Variants in CPEB3 observed in about 807,000 individuals in gnomAD.
The protein encoded by CPEB3 is cytoplasmic polyadenylation element binding protein 3.
In CPEB3, 20 loss-of-function variants were observed where a neutral mutation model predicts 67.2. The observed-to-expected ratio is 0.30, with a 90% confidence interval of 0.21 to 0.43. The LOEUF is 0.43. Among genes scored for constraint, CPEB3 ranks in the 20% least tolerant of loss-of-function variants. CPEB3 has a pLI of 1.00. For synonymous variants in CPEB3, 376 were observed against 393.1 expected (o/e 0.96, Z 0.51); for missense variants, 746 against 968.6 (o/e 0.77, Z 3.05).
intron 3 of CPEB3, among the ~76,000 whole-genome samples, chr10:92,189,859 T>A (rs974223870): frequency 6.6e-6 from 1 of 151,214 alleles, no homozygotes; most frequent in Non-Finnish European, 1.5e-5. Flanking sequence ...TTTTTTACTT[T>A]CCTTTTCGTC....
At chr10:92,203,416 GTA>G (rs1293283096) in intron 2 of CPEB3, among the ~76,000 whole-genome samples, 94 of 141,016 alleles carry the variant, frequency 6.7e-4, no homozygotes, top group African/African-American at 2.2e-3. Context: ...ATATGTATAT[GTA>G]TATATATACG....
At chr10:92,291,104 C>T, upstream of CPEB3, 1 of 315,478 alleles carries the variant, frequency 3.2e-6, no homozygotes. Context: ...AAGACTACAT[C>T]TCCCAGGCTG....
intron 1 of CPEB3, among the ~76,000 whole-genome samples, chr10:92,257,065 T>C (rs1852547005): frequency 1.3e-5 from 2 of 152,224 alleles, no homozygotes. Context: ...TGGATTCTAT[T>C]GCCATAGAAT....
intron 2 of CPEB3, among the ~76,000 whole-genome samples, chr10:92,198,864 G>C (rs1227046349): frequency 6.6e-6 from 1 of 152,186 alleles, no homozygotes; most frequent in Non-Finnish European, 1.5e-5. Context: ...ACACTAACTA[G>C]CTGCAGTGTG....
At position 92,239,766 on chromosome 10, in the gene CPEB3, G is replaced by A. The variant is rs1851733637; in HGVS notation, c.585C>T (p.Ser195=). 1 of 1,438,672 alleles carries A rather than the reference G, an allele frequency of 7.0e-7. No homozygotes were observed. 89.1% of individuals were successfully genotyped at this position (1,438,672 alleles called of 1,614,324 possible). A position where few individuals can be genotyped will look rare whatever the true frequency, so the allele number is the denominator to read the frequency against. Residue 195 remains serine (S), a synonymous_variant, in exon 2 of 10, where the codon AGC becomes AGT. Coordinates refer to ENST00000265997, the MANE Select transcript of CPEB3 (RefSeq NM_014912.5). The surrounding 1 kb of genome is among the most constrained non-coding windows in gnomAD (Gnocchi z 6.0). ...TCTGCGCGTAGGGCGCCTGGCTGGGGCTGGCGGGTGAGCGGCGCTGCTGCG... is the reference window on the plus strand; with the variant it reads ...TCTGCGCGTAGGGCGCCTGGCTGGGACTGGCGGGTGAGCGGCGCTGCTGCG... ...QPPQQRRSPA[S]PSQAPYAQRS... is the part of the protein sequence containing the mutation.
At chr10:92,273,778 T>C (rs1021857059) in intron 1 of CPEB3, among the ~76,000 whole-genome samples, 3 of 152,174 alleles carry the variant, frequency 2.0e-5, no homozygotes, top group Non-Finnish European at 2.9e-5. Context: ...TAAATGGAGC[T>C]ATCATGCCTA....
chr10:92,151,549 A>C (rs1407498409), intron 4 of CPEB3, among the ~76,000 whole-genome samples: 1 of 152,234 alleles, frequency 6.6e-6, no homozygotes, highest in African/African-American at 2.4e-5. Context: ...CCCCAGGAAC[A>C]GGAGAATCCC....
At chr10:92,062,426 T>C (rs1842390425) in intron 9 of CPEB3, among the ~76,000 whole-genome samples, 1 of 151,994 alleles carries the variant, frequency 6.6e-6, no homozygotes, top group South Asian at 2.1e-4. Context: ...GGTGTTTAGG[T>C]TGGCTCGTAT....
intron 4 of CPEB3, among the ~76,000 whole-genome samples, chr10:92,163,635 A>G (rs952371676): frequency 1.3e-5 from 2 of 152,144 alleles, no homozygotes; most frequent in South Asian, 4.1e-4. Flanking sequence ...CCTTTCCCTC[A>G]TTAGACTATA....
At chr10:92,055,182 C>G (rs182515904) in intron 9 of CPEB3, among the ~76,000 whole-genome samples, 1 of 152,158 alleles carries the variant, frequency 6.6e-6, no homozygotes, top group Non-Finnish European at 1.5e-5. Context: ...TTTGAAAATG[C>G]AGTATTAATA....
At chr10:92,175,678 T>C (rs941713569) in intron 4 of CPEB3, among the ~76,000 whole-genome samples, 8 of 152,170 alleles carry the variant, frequency 5.3e-5, no homozygotes, top group Admixed American at 5.2e-4. Flanking sequence ...TAATAGAAAG[T>C]ATTTCATCCA....
Position 92,178,068 on chromosome 10 carries a change from C to T in CPEB3, c.1222+2895G>A, listed in dbSNP as rs548975948. Among the ~76,000 whole-genome samples the T allele has an allele frequency of 8.4e-4, 128 of 152,152 alleles. No homozygotes were observed. In the Middle Eastern group the frequency reaches 0.034, roughly 40 times the overall value. The stretch of plus-strand genomic sequence containing the variant: ...TTTTCTTAGCCAATCCCTTCTTTTC[C>T]GAAAATACAGCTCAACTTCAACCTA... On this transcript the variant is annotated intron_variant, in intron 4 of 9. Transcript: ENST00000265997.
chr10:92,269,525 A>C (rs2134977172), intron 1 of CPEB3, among the ~76,000 whole-genome samples: 1 of 152,186 alleles, frequency 6.6e-6, no homozygotes, highest in Middle Eastern at 3.4e-3. Context: ...TGTCATTTCA[A>C]CTGTGCATCT....
intron 6 of CPEB3, among the ~76,000 whole-genome samples, chr10:92,119,369 G>A (rs1396107935): frequency 6.6e-6 from 1 of 152,058 alleles, no homozygotes; most frequent in East Asian, 1.9e-4. Flanking sequence ...CTAAAGATGG[G>A]GTGGCTGCAA....
chr10:92,091,748 C>A, intron 8 of CPEB3, 82 bp downstream of exon 8: 3 of 812,394 alleles, frequency 3.7e-6, no homozygotes, highest in Non-Finnish European at 6.0e-6. Context: ...TGACTGGAAA[C>A]CTAGAAAATA....
At chr10:92,240,814 G>A (rs1219995204) in intron 1 of CPEB3, among the ~76,000 whole-genome samples, 5 of 151,872 alleles carry the variant, frequency 3.3e-5, no homozygotes, top group Non-Finnish European at 7.4e-5. Context: ...AAAAGACACC[G>A]CACACACGAC....
chr10:92,155,047 A>G (rs543576360), intron 4 of CPEB3, among the ~76,000 whole-genome samples: 1 of 152,262 alleles, frequency 6.6e-6, no homozygotes, highest in South Asian at 2.1e-4. Flanking sequence ...CATGTCTACT[A>G]AAAATACAAA....
chr10:92,158,441 T>A lies in CPEB3; in HGVS notation c.1223-13356A>T, dbSNP rs571097332. On this transcript the variant is annotated intron_variant, in intron 4 of 9. Coordinates refer to ENST00000265997, the MANE Select transcript of CPEB3 (RefSeq NM_014912.5). ...TATCTTACCACCAGATAAGAAAAAA[T>A]TATTCATTCTAAATAACTAAAAACT... 4.6e-5 allele frequency among the ~76,000 whole-genome samples: 7 copies of A among 152,240 alleles called. No homozygotes were observed. In the East Asian group the frequency reaches 1.4e-3, roughly 29 times the overall value.
At chr10:92,119,055 A>G (rs1845192137) in intron 6 of CPEB3, 1 of 1,569,532 alleles carries the variant, frequency 6.4e-7, no homozygotes, top group African/African-American at 1.4e-5. Context: ...GGGGTCTGAC[A>G]CTTGATGTGA....
Sources: gnomAD v4.1 joint callset for allele counts (sites outside exome capture counted in the v4.1 genomes callset) on GRCh38, gnomAD v4.1.1 for gene constraint, Gnocchi (gnomAD v3.1) non-coding constraint, MANE v1.5 for transcripts, NCBI Gene and HGNC (gene_info 2026-07-23, HGNC 2026-07-21) for gene names.